Variants in DPH6 observed in about 807,000 individuals in gnomAD.
The protein encoded by DPH6 is diphthamine biosynthesis 6.
DPH6 carries 33 observed loss-of-function variants against 38.2 expected under a neutral mutation model. The ratio of observed to expected loss-of-function variants is 0.86; its 90% confidence interval spans 0.65 to 1.15. The LOEUF is 1.15. DPH6 is among the 50% of genes most tolerant of loss of function. DPH6 has a pLI of 0.00. For synonymous variants in DPH6, 108 were observed against 103.0 expected, an observed-to-expected ratio of 1.05 and a Z score of -0.30; for missense variants, 325 against 320.0, an observed-to-expected ratio of 1.02 and a Z score of -0.12.
At chr15:35,286,214 T>A (rs995159008) in intron 3 of DPH6, among the ~76,000 whole-genome samples, 18 of 152,292 alleles carry the variant, frequency 1.2e-4, no homozygotes, top group African/African-American at 4.3e-4. Context: ...TTGCCAGGTA[T>A]TACAATACTG....
intron 3 of DPH6, among the ~76,000 whole-genome samples, chr15:35,300,717 G>A (rs1468737729): frequency 2.0e-5 from 3 of 152,100 alleles, no homozygotes; most frequent in African/African-American, 7.2e-5. Flanking sequence ...ACATAATTTT[G>A]TTGACTGTTT....
rs150993936 is a variant in DPH6 at position 35,358,306 on chromosome 15, C to G, written n.207+15215G>C. Reference sequence around the variant, plus strand: ...TTTCTTGTACCATATTCTGGATTTCCTTGCATTAGGCTTTGCCTTTCTCTG... The same window carrying G: ...TTTCTTGTACCATATTCTGGATTTCGTTGCATTAGGCTTTGCCTTTCTCTG... On this transcript the variant is annotated intron_variant and non_coding_transcript_variant, in intron 3 of 3. Coordinates refer to the DPH6 transcript ENST00000558973. Among the ~76,000 whole-genome samples the G allele has an allele frequency of 2.8e-3, 423 of 152,042 alleles. 1 individual carries two copies. The highest frequency in any genetic ancestry group is 9.4e-3 in the African/African-American group (388 of 41,474).
At chr15:35,478,584 T>C (rs2054290511) in intron 3 of DPH6, among the ~76,000 whole-genome samples, 1 of 151,976 alleles carries the variant, frequency 6.6e-6, no homozygotes, top group Admixed American at 6.6e-5. Flanking sequence ...GAATTCAATA[T>C]CATTAATCTG....
At chr15:35,252,995 T>G (rs1464189590) in intron 3 of DPH6, among the ~76,000 whole-genome samples, 1 of 152,208 alleles carries the variant, frequency 6.6e-6, no homozygotes, top group Non-Finnish European at 1.5e-5. Context: ...GGGTTAGTAA[T>G]AAATAGACTT....
chr15:35,312,010 G>GATAAAAAAAA (rs2052146407), intron 3 of DPH6, among the ~76,000 whole-genome samples: 1 of 102,142 alleles, frequency 9.8e-6, no homozygotes. Flanking sequence ...TTAAGAAAAT[G>GATAAAAAAAA]AAAAAAAAAA....
chr15:35,538,558 C>A, intron 2 of DPH6, 91 bp from the exon 3 acceptor site: 12 of 1,132,892 alleles, frequency 1.1e-5, no homozygotes, highest in Non-Finnish European at 1.4e-5. Flanking sequence ...CTTGAATAGT[C>A]GACACAGAAC....
At chr15:35,454,603 A>C in intron 4 of DPH6, 144 bp downstream of exon 4, 1 of 593,146 alleles carries the variant, frequency 1.7e-6, no homozygotes, top group South Asian at 2.9e-5. Flanking sequence ...GACTTTTGTT[A>C]CTTAGGTAAA....
At chr15:35,207,253 G>A in the DPH6 span, among the ~76,000 whole-genome samples, 1 of 151,656 alleles carries the variant, frequency 6.6e-6, no homozygotes, top group Non-Finnish European at 1.5e-5. Context: ...TTGCTATTTT[G>A]CCAGGGCTGG....
downstream of DPH6, among the ~76,000 whole-genome samples, chr15:35,213,196 T>G (rs1156736116): frequency 6.6e-6 from 1 of 152,222 alleles, no homozygotes; most frequent in East Asian, 1.9e-4. Context: ...ATTCAAGGTT[T>G]GTCATGTTCC....
chr15:35,299,240 C>A, intron 3 of DPH6: 1 of 1,155,080 alleles, frequency 8.7e-7, no homozygotes, highest in Middle Eastern at 2.2e-4. Context: ...GTGGTGTGTC[C>A]ACAATTTGCC....
chr15:35,441,375 G>GA (rs2053785498), intron 5 of DPH6, among the ~76,000 whole-genome samples: 2 of 152,130 alleles, frequency 1.3e-5, no homozygotes, highest in African/African-American at 2.4e-5. Context: ...GTTTACTGCA[G>GA]CACTATTCAC....
At chr15:35,397,871 A>ACACACG (rs2053163953) in intron 6 of DPH6, among the ~76,000 whole-genome samples, 4 of 142,232 alleles carry the variant, frequency 2.8e-5, no homozygotes, top group African/African-American at 5.2e-5. Context: ...ATATATATAC[A>ACACACG]CACACACACA....
chr15:35,440,312 G>A (rs1313730246), intron 5 of DPH6, among the ~76,000 whole-genome samples: 1 of 152,212 alleles, frequency 6.6e-6, no homozygotes, highest in African/African-American at 2.4e-5. Context: ...CCTGACTATA[G>A]TCACCAGTTA....
intron 3 of DPH6, among the ~76,000 whole-genome samples, chr15:35,250,277 C>G (rs1462103453): frequency 2.6e-5 from 4 of 152,046 alleles, no homozygotes; most frequent in Admixed American, 2.6e-4. Flanking sequence ...GTGACTAGAG[C>G]TTCCTGTGTC....
intron 3 of DPH6, among the ~76,000 whole-genome samples, chr15:35,301,952 C>T (rs1004609268): frequency 1.3e-4 from 19 of 151,788 alleles, no homozygotes; most frequent in Admixed American, 2.6e-4. Context: ...CGAGCCTGGG[C>T]GGCAGAGTGA....
At chr15:35,281,795 T>C (rs1437714760) in intron 3 of DPH6, among the ~76,000 whole-genome samples, 1 of 152,220 alleles carries the variant, frequency 6.6e-6, no homozygotes, top group African/African-American at 2.4e-5. Context: ...GAGTGACACA[T>C]TCTAATAGAG....
chr15:35,450,818 G>A lies in DPH6; in HGVS notation c.387-15C>T. The stretch of plus-strand genomic sequence containing the variant: ...GCCTTTTACACCTACAAAAGAAAAA[G>A]AAAAAGAAAGTCAGATGATCTCTTA... On this transcript the variant is annotated splice_polypyrimidine_tract_variant and intron_variant, in intron 4 of 8. Coordinates refer to ENST00000256538, the MANE Select transcript of DPH6 (RefSeq NM_080650.4). 1 of 1,568,394 alleles carries A rather than the reference G, an allele frequency of 6.4e-7. No individual in the cohort carries two copies.
intron 5 of DPH6, among the ~76,000 whole-genome samples, chr15:35,434,657 G>A (rs2053673879): frequency 6.6e-6 from 1 of 152,122 alleles, no homozygotes; most frequent in Non-Finnish European, 1.5e-5. Context: ...TCAGGCAAAT[G>A]TAAAGAAAGG....
the DPH6 span, among the ~76,000 whole-genome samples, chr15:35,155,422 A>G: frequency 1.3e-5 from 2 of 152,200 alleles, no homozygotes; most frequent in Admixed American, 6.5e-5. Context: ...AGCACATTGA[A>G]ATCCTTAGAG....
Sources: gnomAD v4.1 joint callset for allele counts (sites outside exome capture counted in the v4.1 genomes callset) on GRCh38, gnomAD v4.1.1 for gene constraint, MANE v1.5 for transcripts, NCBI Gene and HGNC (gene_info 2026-07-23, HGNC 2026-07-21) for gene names.